Variants in GDPD4 observed in about 807,000 individuals in gnomAD.
GDPD4 encodes the protein glycerophosphodiester phosphodiesterase 6.
Under a neutral mutation model 67.8 loss-of-function variants are expected in GDPD4, and 60 were observed. The ratio of observed to expected loss-of-function variants is 0.88; its 90% confidence interval spans 0.72 to 1.10. The LOEUF (loss-of-function observed/expected upper bound fraction) is 1.10. Among genes scored for constraint, GDPD4 ranks in the 50% least tolerant of loss-of-function variants. GDPD4 has a pLI of 0.00. For synonymous variants in GDPD4, 212 were observed against 210.9 expected (o/e 1.00, Z -0.04); for missense variants, 623 against 613.9 (o/e 1.01, Z -0.16).
chr11:77,234,387 C>G (rs113816487), intron 13 of GDPD4, among the ~76,000 whole-genome samples: 2,430 of 152,244 alleles, frequency 0.016, 22 homozygotes, highest in African/African-American at 0.025. Context: ...TCAGGAGATA[C>G]ATGTGCAGGT....
At chr11:77,225,186 G>GACTACTCAGAA (rs1958303996) in intron 16 of GDPD4, among the ~76,000 whole-genome samples, 1 of 151,660 alleles carries the variant, frequency 6.6e-6, no homozygotes, top group Non-Finnish European at 1.5e-5. Flanking sequence ...TATTTTAAAT[G>GACTACTCAGAA]ACTACTCAGA....
At chr11:77,266,141 T>C (rs996807618) in intron 10 of GDPD4, among the ~76,000 whole-genome samples, 1 of 152,204 alleles carries the variant, frequency 6.6e-6, no homozygotes, top group Non-Finnish European at 1.5e-5. Context: ...TTTTTCTCTA[T>C]ATGAACATTG....
chr11:77,260,179 C>T lies in GDPD4; in HGVS notation c.708-1637G>A, dbSNP rs148292548. ...AAAATTAGCCAGGCATGGTGGTACA[C>T]GCCTGTAGTCCCAGCTACTCAAGTG... On this transcript the variant is annotated intron_variant, in intron 10 of 16. Coordinates refer to ENST00000315938, the MANE Select transcript of GDPD4 (RefSeq NM_182833.3). 8.4e-3 allele frequency among the ~76,000 whole-genome samples: 1,283 copies of T among 152,120 alleles called. 31 individuals are homozygous for T. Among genetic ancestry groups the T allele is most frequent in the East Asian group, 0.012 (63 of 5,166 alleles).
At chr11:77,255,215 T>C (rs1229840063) in intron 11 of GDPD4, among the ~76,000 whole-genome samples, 1 of 152,014 alleles carries the variant, frequency 6.6e-6, no homozygotes, top group Non-Finnish European at 1.5e-5. Context: ...TCCAACCCTA[T>C]CACTTACAAC....
At position 77,216,768 on chromosome 11, in the gene GDPD4, C is replaced by G. The variant is rs1328675564; in HGVS notation, c.*509G>C. 2.8e-5 allele frequency: 17 copies of G among 600,806 alleles called. No individual in the cohort carries two copies. The highest frequency in any genetic ancestry group is 5.9e-6 in the Non-Finnish European group (2 of 338,972). 37.2% of individuals were successfully genotyped at this position (600,806 alleles called of 1,614,324 possible). The stretch of plus-strand genomic sequence containing the variant: ...CCGTGGCCCTTCTGTGTGCCTTTAT[C>G]AACCACTCCCCACCATCACCACCCT... On this transcript the variant is annotated 3_prime_UTR_variant, in exon 17 of 17. Coordinates refer to ENST00000315938, the MANE Select transcript of GDPD4 (RefSeq NM_182833.3).
At chr11:77,227,741 A>ACC in intron 16 of GDPD4, 123 bp downstream of exon 16, 1 of 398,532 alleles carries the variant, frequency 2.5e-6, no homozygotes, top group African/African-American at 2.3e-5. Flanking sequence ...TCCCTCCCCC[A>ACC]ACCCCACCCC....
rs116543089 is a variant in GDPD4 at position 77,233,078 on chromosome 11, T to A, written c.1336A>T (p.Thr446Ser). Reference sequence around the variant, plus strand: ...CTCAGGAGCCCAATGTTGTCTGTGGTCACTGAGTTAATCCTGGAGCACCAG... The same window carrying A: ...CTCAGGAGCCCAATGTTGTCTGTGGACACTGAGTTAATCCTGGAGCACCAG... ...LAWCSRINSV[T>S]TDNIGLLSQL... Residue 446 changes from threonine (T) to serine (S), a missense_variant, in exon 14 of 17, where the codon ACC becomes TCC. Thr to Ser is a moderately conservative substitution (Grantham distance 58). Transcript: ENST00000315938. 4.8e-4 allele frequency: 780 copies of A among 1,614,008 alleles called. 6 individuals carry two copies. The African/African-American group carries it at 9.3e-3, about 19-fold the overall frequency.
At chr11:77,295,215 T>G (rs1937914150) in intron 1 of GDPD4, among the ~76,000 whole-genome samples, 2 of 151,724 alleles carry the variant, frequency 1.3e-5, no homozygotes, top group Admixed American at 6.6e-5. Context: ...CTGGATCTCC[T>G]GACCTCAAAG....
chr11:77,243,834 T>C lies in GDPD4; in HGVS notation c.1101A>G (p.Pro367=), dbSNP rs761997899. The C allele has an allele frequency of 6.2e-7, 1 of 1,612,584 alleles. No homozygotes were observed. Among genetic ancestry groups the C allele is most frequent in the Non-Finnish European group, 8.5e-7 (1 of 1,179,452 alleles). The change falls in exon 13 of 17, where the codon CCA becomes CCG. Residue 367 remains proline, a synonymous_variant. Transcript: ENST00000315938. The part of the protein sequence containing the change: ...KIEQHLIFWL[P]AHDRQYVRSV... Reference sequence around the variant, plus strand: ...ACCTGACGTATTGCCTATCATGAGCTGGCAACCAAAAAATCTCTAAGGAGA... The same window carrying C: ...ACCTGACGTATTGCCTATCATGAGCCGGCAACCAAAAAATCTCTAAGGAGA...
intron 1 of GDPD4, among the ~76,000 whole-genome samples, chr11:77,296,755 G>A (rs528240781): frequency 1.3e-5 from 2 of 151,850 alleles, no homozygotes; most frequent in South Asian, 4.2e-4. Flanking sequence ...TGATATGGCT[G>A]TGTAAAAAAA....
At chr11:77,271,606 G>A (rs1959227948) in intron 5 of GDPD4, among the ~76,000 whole-genome samples, 1 of 152,162 alleles carries the variant, frequency 6.6e-6, no homozygotes, top group Admixed American at 6.5e-5. Context: ...CTAAGTCTTT[G>A]CTGTACAGCA....
chr11:77,254,154 G>C (rs1242852158), intron 11 of GDPD4, among the ~76,000 whole-genome samples: 1 of 152,218 alleles, frequency 6.6e-6, no homozygotes, highest in East Asian at 1.9e-4. Flanking sequence ...TCTCTGAGGG[G>C]AACACAGTTG....
chr11:77,277,568 A>C (rs79766170), intron 4 of GDPD4, among the ~76,000 whole-genome samples: 1 of 150,980 alleles, frequency 6.6e-6, no homozygotes, highest in Non-Finnish European at 1.5e-5. Context: ...ACGCCTGGCT[A>C]ATTTTTTTTT....
intron 1 of GDPD4, among the ~76,000 whole-genome samples, chr11:77,289,745 G>A (rs1481447667): frequency 6.8e-6 from 1 of 147,396 alleles, no homozygotes; most frequent in Non-Finnish European, 1.5e-5. Context: ...AAGAAGGAAG[G>A]CAGGCAGGCA....
chr11:77,296,246 G>A (rs1380275808), intron 1 of GDPD4, among the ~76,000 whole-genome samples: 8 of 55,190 alleles, frequency 1.4e-4, no homozygotes, highest in Admixed American at 7.3e-4. Flanking sequence ...GCAAGACTTC[G>A]TCTCAAAAAA....
In GDPD4 at chr11:77,225,420, C is replaced by CTT. The variant is rs572149696; in HGVS notation, c.1525+2443_1525+2444insAA. On this transcript the variant is annotated intron_variant, in intron 16 of 16. Coordinates refer to ENST00000315938, the MANE Select transcript of GDPD4 (RefSeq NM_182833.3). The stretch of plus-strand genomic sequence containing the variant: ...AGAAAAATATTTGAAGAAATAAAGA[C>CTT]TAAAATTATGTCCAATTTGATGAAA... 3.1e-4 allele frequency among the ~76,000 whole-genome samples: 47 copies of CTT among 151,894 alleles called. No homozygotes were observed. In the East Asian group the frequency reaches 6.4e-3, roughly 21 times the overall value.
intron 1 of GDPD4, among the ~76,000 whole-genome samples, chr11:77,288,879 C>A (rs566684514): frequency 6.6e-6 from 1 of 152,012 alleles, no homozygotes; most frequent in East Asian, 1.9e-4. Flanking sequence ...CAATGAGATA[C>A]AAGAGAACAC....
At chr11:77,258,159 G>C (rs540961381) in intron 11 of GDPD4, among the ~76,000 whole-genome samples, 1 of 152,308 alleles carries the variant, frequency 6.6e-6, no homozygotes, top group South Asian at 2.1e-4. Flanking sequence ...ATAAGGGTAA[G>C]TTTACAAGTT....
At chr11:77,268,774 A>G in intron 9 of GDPD4, 150 bp downstream of exon 9, 3 of 868,844 alleles carry the variant, frequency 3.5e-6, no homozygotes, top group Non-Finnish European at 5.5e-6. Flanking sequence ...GCCTGGATTC[A>G]AGTCCAGCCT....
Sources: allele counts gnomAD v4.1 joint callset (sites outside exome capture counted in the v4.1 genomes callset), GRCh38; gene constraint gnomAD v4.1.1; transcripts MANE v1.5; gene names NCBI Gene and HGNC (gene_info 2026-07-23, HGNC 2026-07-21).